The following SGCD variants were observed in gnomAD, a reference collection of about 807,000 sequenced individuals.
The protein encoded by SGCD is delta-sarcoglycan.
In SGCD, 18 loss-of-function variants were observed where a neutral mutation model predicts 36.6. The ratio of observed to expected loss-of-function variants is 0.49; its 90% CI spans 0.34 to 0.73. The LOEUF (loss-of-function observed/expected upper bound fraction) is 0.73, where lower values mean the gene tolerates loss of function less well. SGCD is among the 30% of genes least tolerant of loss of function. The probability of loss-of-function intolerance (pLI) is 0.01; values close to 1 mark genes in which losing one functional copy is unlikely to be tolerated. For missense variants in SGCD, 387 were observed against 346.7 expected, an observed-to-expected ratio of 1.12 and a Z score of -0.92; for synonymous variants, 133 against 130.6, an observed-to-expected ratio of 1.02 and a Z score of -0.12.
chr5:156,638,991 T>G (rs1377408294), intron 6 of SGCD, among the ~76,000 whole-genome samples: 1 of 151,998 alleles, frequency 6.6e-6, no homozygotes, highest in African/African-American at 2.4e-5. Flanking sequence ...TGATACTCAT[T>G]TATCTTTCTG....
At chr5:156,378,908 T>C (rs1770822004) in intron 3 of SGCD, among the ~76,000 whole-genome samples, 1 of 152,184 alleles carries the variant, frequency 6.6e-6, no homozygotes, top group South Asian at 2.1e-4. Context: ...AATTCTAAAG[T>C]ATAAAATCAC....
intron 1 of SGCD, among the ~76,000 whole-genome samples, chr5:156,034,600 A>G (rs1328058201): frequency 6.6e-6 from 1 of 152,182 alleles, no homozygotes; most frequent in Non-Finnish European, 1.5e-5. Context: ...TTGCTAAGTG[A>G]CCAGTTATTC....
rs533209553 is a variant in SGCD at position 156,616,004 on chromosome 5, G to A, written c.502+20953G>A. Among the ~76,000 whole-genome samples the A allele has an allele frequency of 4.2e-4, 64 of 152,300 alleles. 1 individual carries two copies. The South Asian group carries it at 0.013, about 31-fold the overall frequency. On this transcript the variant is annotated intron_variant, in intron 6 of 8. Coordinates refer to ENST00000337851, the MANE Select transcript of SGCD (RefSeq NM_000337.6). ...GTTGTGATATAAATCCAATTCAAAG[G>A]GAGAGGCAAGGAAATTTATTGCCTC... is the stretch of plus-strand genomic sequence containing the variant.
At chr5:155,739,251 C>T in the SGCD span, among the ~76,000 whole-genome samples, 4 of 152,228 alleles carry the variant, frequency 2.6e-5, no homozygotes, top group East Asian at 3.9e-4. Context: ...TGTGTAATTG[C>T]GACCAAAGCT....
Position 155,955,092 on chromosome 5 carries a change from T to C in SGCD, c.-282+84668T>C, listed in dbSNP as rs560358748. Among the ~76,000 whole-genome samples the C allele has an allele frequency of 8.5e-5, 13 of 152,238 alleles. No individual in the cohort carries two copies. The South Asian group carries it at 2.7e-3, about 32-fold the overall frequency. ...TTGTTCCATTCAGATCTTCAATTGATTGGATGAGGCCTACTTGTGTCAGGG... is the reference window on the plus strand; with the variant it reads ...TTGTTCCATTCAGATCTTCAATTGACTGGATGAGGCCTACTTGTGTCAGGG... On this transcript the variant is annotated intron_variant, in intron 1 of 9. Transcript: ENST00000517913.
chr5:156,425,410 C>A (rs1773629977), intron 3 of SGCD, among the ~76,000 whole-genome samples: 4 of 151,990 alleles, frequency 2.6e-5, no homozygotes, highest in Admixed American at 2.6e-4. Flanking sequence ...TAATTTCTTT[C>A]TTTGCTGAAC....
chr5:155,773,821 A>C, the SGCD span, among the ~76,000 whole-genome samples: 1 of 152,242 alleles, frequency 6.6e-6, no homozygotes, highest in African/African-American at 2.4e-5. Context: ...GAAGAATGCT[A>C]CAAGCAAGGG....
At chr5:156,118,976 T>A (rs1761969279) in intron 2 of SGCD, among the ~76,000 whole-genome samples, 1 of 152,144 alleles carries the variant, frequency 6.6e-6, no homozygotes, top group African/African-American at 2.4e-5. Flanking sequence ...TAGCCCCTAC[T>A]TTGAGTATTA....
chr5:156,601,372 C>A (rs1488237919), intron 6 of SGCD, among the ~76,000 whole-genome samples: 1 of 152,146 alleles, frequency 6.6e-6, no homozygotes. Flanking sequence ...AATTTTCTGG[C>A]ACCATTTATT....
intron 4 of SGCD, among the ~76,000 whole-genome samples, chr5:156,548,820 G>A (rs1278207694): frequency 3.3e-5 from 5 of 152,160 alleles, no homozygotes; most frequent in East Asian, 1.9e-4. Context: ...AAAGGAAAAG[G>A]AGAGCTCTGG....
At chr5:156,408,665 T>C (rs1772554335) in intron 3 of SGCD, among the ~76,000 whole-genome samples, 1 of 152,186 alleles carries the variant, frequency 6.6e-6, no homozygotes, top group African/African-American at 2.4e-5. Context: ...AGCCCCCATG[T>C]TGAATTTCAT....
At chr5:156,198,198 T>C (rs1183462266) in intron 3 of SGCD, among the ~76,000 whole-genome samples, 2 of 152,024 alleles carry the variant, frequency 1.3e-5, no homozygotes, top group Non-Finnish European at 2.9e-5. Flanking sequence ...AAAGGAGACA[T>C]TAAAAAAAGA....
chr5:156,123,216 C>T (rs974945946), intron 2 of SGCD, among the ~76,000 whole-genome samples: 1 of 152,052 alleles, frequency 6.6e-6, no homozygotes, highest in African/African-American at 2.4e-5. Context: ...AGACAAATCT[C>T]AGAGTTGTCA....
chr5:156,140,624 G>A (rs909060037), intron 3 of SGCD, among the ~76,000 whole-genome samples: 4 of 152,062 alleles, frequency 2.6e-5, no homozygotes, highest in Admixed American at 6.5e-5. Flanking sequence ...GTGCTGCATG[G>A]CTTCTCTCAA....
intron 3 of SGCD, among the ~76,000 whole-genome samples, chr5:156,405,809 C>A (rs912025010): frequency 6.6e-6 from 1 of 152,052 alleles, no homozygotes; most frequent in Non-Finnish European, 1.5e-5. Context: ...GGCCTGGGGG[C>A]AGGACCACAG....
the SGCD span, among the ~76,000 whole-genome samples, chr5:155,777,408 G>A: frequency 1.3e-5 from 2 of 150,142 alleles, no homozygotes; most frequent in Admixed American, 6.7e-5. Flanking sequence ...CCAGGCTGGA[G>A]TACAGTGGCA....
intron 4 of SGCD, among the ~76,000 whole-genome samples, chr5:156,521,912 A>G (rs911412668): frequency 1.3e-5 from 2 of 152,222 alleles, no homozygotes; most frequent in African/African-American, 4.8e-5. Context: ...TCACTGCAGC[A>G]CTATTTACAA....
In SGCD at chr5:156,508,621, G is replaced by A. The variant is rs74846539; in HGVS notation, c.213G>A (p.Arg71=). 2,947 of 1,610,140 alleles carry A rather than the reference G, an allele frequency of 1.8e-3. 4 individuals carry two copies. The highest frequency in any genetic ancestry group is 2.3e-3 in the Non-Finnish European group (2,720 of 1,176,828). The change falls in exon 4 of 9, where the codon AGG becomes AGA. Residue 71 remains arginine, a synonymous_variant. Transcript: ENST00000337851. ...TTCAGGATGGAATGGGAAACCTGAG[G>A]ATCACAGAAAAAGGTCTAAAGCTAG... ...NFTIDGMGNL[R]ITEKGLKLEG...
At chr5:156,366,873 CAAT>C (rs1036858329) in intron 3 of SGCD, among the ~76,000 whole-genome samples, 17 of 152,010 alleles carry the variant, frequency 1.1e-4, no homozygotes, top group African/African-American at 4.1e-4. Flanking sequence ...AAGCAGAAAA[CAAT>C]AAAATATCTA....
Sources: gnomAD v4.1 joint callset for allele counts (sites outside exome capture counted in the v4.1 genomes callset) on GRCh38, gnomAD v4.1.1 for gene constraint, MANE v1.5 for transcripts, NCBI Gene and HGNC (gene_info 2026-07-23, HGNC 2026-07-21) for gene names.